The following MRTFB variants were observed in gnomAD, a reference collection of about 807,000 sequenced individuals.
MRTFB encodes the protein myocardin-related transcription factor B.
A neutral mutation model predicts 104.2 loss-of-function variants in MRTFB; 29 were observed. That is an observed-to-expected ratio of 0.28 (90% confidence interval 0.21 to 0.38). The LOEUF is 0.38. Ranked by LOEUF, MRTFB falls within the 10% of genes least tolerant of loss-of-function variation. The pLI, the probability that MRTFB is intolerant of heterozygous loss-of-function variation, is 1.00. For synonymous variants in MRTFB, 535 were observed against 519.5 expected (o/e 1.03, Z -0.41); for missense variants, 1,270 against 1,341.6 (o/e 0.95, Z 0.83).
chr16:14,037,099 C>T, the MRTFB span, among the ~76,000 whole-genome samples: 7 of 152,092 alleles, frequency 4.6e-5, no homozygotes, highest in African/African-American at 7.2e-5. Context: ...CAGATGTGGC[C>T]GATGGGCCAC....
At chr16:14,234,337 A>G (rs755793827) in intron 9 of MRTFB, 54 bp downstream of exon 9, 64 of 1,562,070 alleles carry the variant, frequency 4.1e-5, no homozygotes, top group Middle Eastern at 1.7e-4. Flanking sequence ...GACTCTGTCT[A>G]TAACCCTGTG....
chr16:14,189,157 G>A (rs544330410), intron 3 of MRTFB, among the ~76,000 whole-genome samples: 1 of 152,234 alleles, frequency 6.6e-6, no homozygotes, highest in South Asian at 2.1e-4. Flanking sequence ...GACATTGAAA[G>A]GATTAGATCT....
intron 1 of MRTFB, among the ~76,000 whole-genome samples, chr16:14,076,648 T>A (rs9674074): frequency 0.12 from 18,406 of 152,250 alleles, 2,507 homozygotes; most frequent in African/African-American, 0.34. Flanking sequence ...TTGTAGGCAT[T>A]ATCTGTGGGA....
chr16:14,168,252 T>C (rs2039313728), intron 3 of MRTFB, among the ~76,000 whole-genome samples: 1 of 151,980 alleles, frequency 6.6e-6, no homozygotes, highest in South Asian at 2.1e-4. Context: ...TGTATGCTTA[T>C]CTATATATAA....
chr16:14,252,366 C>T lies in MRTFB; in HGVS notation c.2567C>T (p.Pro856Leu), dbSNP rs760452098. Residue 856 changes from proline to leucine, a missense_variant and splice_region_variant, in exon 15 of 17, where the codon CCT becomes CTT. By Grantham distance (98) the Pro-to-Leu change is moderately conservative. This residue lies in a region of MRTFB where 1,144 missense variants were observed against 1,131.5 expected (regional missense o/e 1.01). Coordinates refer to ENST00000571589, the MANE Select transcript of MRTFB (RefSeq NM_001308142.2). The part of the protein sequence containing the change: ...LQNGPNTPNK[P>L]SSPPPPQQFV... ...GCACTCCTCCTTTATTTGACACAGC[C>T]TAGTTCACCCCCGCCACCCCAGCAA... is the stretch of plus-strand genomic sequence containing the variant. The T allele has an allele frequency of 1.9e-6, 3 of 1,613,320 alleles. No homozygotes were observed. Among genetic ancestry groups the T allele is most frequent in the South Asian group, 1.1e-5 (1 of 90,884 alleles).
At chr16:14,106,047 A>G (rs952053882) in intron 2 of MRTFB, among the ~76,000 whole-genome samples, 5 of 152,234 alleles carry the variant, frequency 3.3e-5, no homozygotes, top group African/African-American at 9.6e-5. Context: ...AAGTCTCTTA[A>G]TGCTACCACA....
chr16:14,185,845 G>C (rs1291708925), intron 3 of MRTFB, among the ~76,000 whole-genome samples: 1 of 152,186 alleles, frequency 6.6e-6, no homozygotes, highest in African/African-American at 2.4e-5. Flanking sequence ...AGTATTTGGA[G>C]ACTGGCTTAT....
chr16:14,115,181 A>G (rs543100661), intron 2 of MRTFB, among the ~76,000 whole-genome samples: 1 of 152,338 alleles, frequency 6.6e-6, no homozygotes, highest in African/African-American at 2.4e-5. Flanking sequence ...GAATTATGCT[A>G]CTGAGGGGAG....
At chr16:14,002,318 G>A in the MRTFB span, among the ~76,000 whole-genome samples, 2 of 152,014 alleles carry the variant, frequency 1.3e-5, no homozygotes, top group Non-Finnish European at 2.9e-5. Context: ...AGGAGGCGGA[G>A]GTTGCAGTGA....
At chr16:14,131,323 G>T (rs1296093985) in intron 2 of MRTFB, among the ~76,000 whole-genome samples, 1 of 152,124 alleles carries the variant, frequency 6.6e-6, no homozygotes, top group Non-Finnish European at 1.5e-5. Context: ...TAGTTAAACT[G>T]TTTTTTAGCT....
intron 3 of MRTFB, among the ~76,000 whole-genome samples, chr16:14,194,045 G>C (rs910796928): frequency 6.6e-6 from 1 of 152,138 alleles, no homozygotes; most frequent in Non-Finnish European, 1.5e-5. Flanking sequence ...TTTATTAAAA[G>C]CTTTCAGGAA....
intron 2 of MRTFB, among the ~76,000 whole-genome samples, chr16:14,133,898 G>A (rs911044361): frequency 1.2e-4 from 18 of 152,120 alleles, no homozygotes; most frequent in African/African-American, 3.6e-4. Context: ...AAACTGAAAA[G>A]ACTTGGGTTT....
At chr16:14,198,597 ACTTT>A (rs1478549012) in intron 3 of MRTFB, among the ~76,000 whole-genome samples, 1 of 152,134 alleles carries the variant, frequency 6.6e-6, no homozygotes, top group East Asian at 1.9e-4. Context: ...TCTCTTCTTG[ACTTT>A]CTCTTCACAG....
the MRTFB span, among the ~76,000 whole-genome samples, chr16:14,036,007 T>G: frequency 6.7e-6 from 1 of 149,908 alleles, no homozygotes; most frequent in Non-Finnish European, 1.5e-5. Context: ...GTCACTTCAC[T>G]TGGAATAATA....
At chr16:14,020,782 T>C in the MRTFB span, among the ~76,000 whole-genome samples, 1 of 152,236 alleles carries the variant, frequency 6.6e-6, no homozygotes, top group Non-Finnish European at 1.5e-5. Flanking sequence ...CCTTGCCTCT[T>C]CTGTCTCCTA....
At chr16:14,244,575 C>A (rs562765317) in intron 10 of MRTFB, among the ~76,000 whole-genome samples, 7 of 152,336 alleles carry the variant, frequency 4.6e-5, no homozygotes, top group African/African-American at 1.7e-4. Flanking sequence ...TACTTGGTAT[C>A]AGTCTTACTC....
chr16:14,069,131 G>A (rs934924286), upstream of MRTFB, among the ~76,000 whole-genome samples: 4 of 150,540 alleles, frequency 2.7e-5, 1 homozygote, highest in East Asian at 7.8e-4. Context: ...CACCACACCT[G>A]GCTAATTTTT....
At chr16:14,166,282 A>G (rs1470378942) in intron 3 of MRTFB, among the ~76,000 whole-genome samples, 1 of 150,768 alleles carries the variant, frequency 6.6e-6, no homozygotes, top group Non-Finnish European at 1.5e-5. Flanking sequence ...AGAAGCTGAA[A>G]GAATTGTACA....
intron 2 of MRTFB, among the ~76,000 whole-genome samples, chr16:14,103,415 G>A (rs932578325): frequency 6.6e-6 from 1 of 152,170 alleles, no homozygotes; most frequent in Non-Finnish European, 1.5e-5. Flanking sequence ...ATATGGGGGA[G>A]GGTGTTTGTT....
Sources: allele counts gnomAD v4.1 joint callset (sites outside exome capture counted in the v4.1 genomes callset), GRCh38; gene constraint gnomAD v4.1.1; regional missense constraint gnomAD v4.1.1; transcripts MANE v1.5; gene names NCBI Gene and HGNC (gene_info 2026-07-23, HGNC 2026-07-21).